The following SCP2 variants were observed in gnomAD, a reference collection of about 807,000 sequenced individuals.
The protein encoded by SCP2 is sterol carrier protein 2, also known as SCP-2/3-oxoacyl-CoA thiolase.
In SCP2, 48 loss-of-function variants were observed where a neutral mutation model predicts 71.4. The observed-to-expected ratio is 0.67, with a 90% confidence interval of 0.53 to 0.86. The LOEUF (loss-of-function observed/expected upper bound fraction) is 0.86, where lower values mean the gene tolerates loss of function less well. Among genes scored for constraint, SCP2 ranks in the 40% least tolerant of loss-of-function variants. The probability of loss-of-function intolerance (pLI) is 0.00; values close to 1 mark genes in which losing one functional copy is unlikely to be tolerated. For missense variants in SCP2, 560 were observed against 655.6 expected (o/e 0.85, Z 1.59); for synonymous variants, 220 against 218.1 (o/e 1.01, Z -0.08).
intron 1 of SCP2, among the ~76,000 whole-genome samples, chr1:52,934,674 G>C (rs559168963): frequency 2.3e-5 from 3 of 127,772 alleles, no homozygotes; most frequent in African/African-American, 9.0e-5. Flanking sequence ...GTGCAGTGGT[G>C]CGATCTTGGC....
intron 2 of SCP2, among the ~76,000 whole-genome samples, chr1:52,942,957 C>T (rs1450096786): frequency 1.3e-5 from 2 of 152,140 alleles, no homozygotes; most frequent in African/African-American, 4.8e-5. Flanking sequence ...CGACCTCGGC[C>T]TCCCAGAGTG....
At chr1:52,935,899 C>T (rs1274146272) in intron 1 of SCP2, among the ~76,000 whole-genome samples, 1 of 152,016 alleles carries the variant, frequency 6.6e-6, no homozygotes, top group Non-Finnish European at 1.5e-5. Context: ...GTTCATGGCA[C>T]TGTACTGCAG....
At chr1:52,971,532 A>G (rs748350572) in intron 6 of SCP2, among the ~76,000 whole-genome samples, 7 of 152,272 alleles carry the variant, frequency 4.6e-5, no homozygotes, top group Non-Finnish European at 1.5e-5. Flanking sequence ...AAAGGCATAC[A>G]AATTTATTTA....
At chr1:52,982,341 C>G (rs1426122112) in intron 10 of SCP2, among the ~76,000 whole-genome samples, 1 of 152,114 alleles carries the variant, frequency 6.6e-6, no homozygotes, top group East Asian at 1.9e-4. Context: ...GAGGCCAAGG[C>G]GGGCAGATAA....
At chr1:52,939,028 C>A (rs192230796) in intron 1 of SCP2, among the ~76,000 whole-genome samples, 69 of 152,278 alleles carry the variant, frequency 4.5e-4, no homozygotes, top group African/African-American at 1.6e-3. Flanking sequence ...TCCAGAGTGT[C>A]CTTTACTTGG....
chr1:53,011,437 A>T (rs1660984055), intron 11 of SCP2, among the ~76,000 whole-genome samples: 1 of 152,172 alleles, frequency 6.6e-6, no homozygotes, highest in African/African-American at 2.4e-5. Context: ...TATCTTTAAC[A>T]TTTGGTAGAG....
intron 13 of SCP2, among the ~76,000 whole-genome samples, chr1:53,032,591 G>C (rs1345129875): frequency 6.6e-6 from 1 of 152,210 alleles, no homozygotes; most frequent in Non-Finnish European, 1.5e-5. Flanking sequence ...ATGGAATTCA[G>C]AGATGAAGAG....
intron 14 of SCP2, among the ~76,000 whole-genome samples, chr1:53,045,636 T>G (rs529438052): frequency 6.6e-6 from 1 of 152,220 alleles, no homozygotes; most frequent in East Asian, 1.9e-4. Context: ...TACATGAGAG[T>G]TTTAGTTCCT....
rs549999219 is a variant in SCP2 at position 52,973,496 on chromosome 1, A to G, written c.524-1273A>G. ...CAGATACTATGTTTTCTTTGATCTA[A>G]CAGTCAATTCAGTCACGAAAAGATA... On this transcript the variant is annotated intron_variant, in intron 6 of 15. Coordinates refer to ENST00000371514, the MANE Select transcript of SCP2 (RefSeq NM_002979.5). Among the ~76,000 whole-genome samples, 4 of 152,352 alleles carry G rather than the reference A, an allele frequency of 2.6e-5. No individual in the cohort carries two copies. The South Asian group carries it at 8.3e-4, about 32-fold the overall frequency.
chr1:52,955,472 A>G (rs1000638925), intron 5 of SCP2, among the ~76,000 whole-genome samples: 3 of 152,196 alleles, frequency 2.0e-5, no homozygotes, highest in East Asian at 1.9e-4. Flanking sequence ...GCCCACTTCC[A>G]TGAGATGATA....
chr1:52,936,041 A>G (rs1653714330), intron 1 of SCP2, among the ~76,000 whole-genome samples: 1 of 152,270 alleles, frequency 6.6e-6, no homozygotes, highest in African/African-American at 2.4e-5. Flanking sequence ...CTAAAACAAC[A>G]TAATGCTAAA....
At chr1:53,038,810 C>T in intron 13 of SCP2, 107 bp from the exon 14 acceptor site, 3 of 1,434,392 alleles carry the variant, frequency 2.1e-6, no homozygotes, top group Non-Finnish European at 2.9e-6. Flanking sequence ...GGGGACCGCT[C>T]CCTGGCCCGT....
At chr1:53,020,406 T>G (rs182509621) in intron 12 of SCP2, among the ~76,000 whole-genome samples, 10 of 152,316 alleles carry the variant, frequency 6.6e-5, no homozygotes, top group African/African-American at 2.4e-4. Flanking sequence ...CCTTTCTTCT[T>G]TCCTATTTCT....
chr1:52,999,366 A>G (rs1372000299), intron 11 of SCP2, among the ~76,000 whole-genome samples: 2 of 152,244 alleles, frequency 1.3e-5, no homozygotes, highest in Non-Finnish European at 2.9e-5. Flanking sequence ...GAAAATGGTC[A>G]AGCGAAGTTC....
At chr1:53,039,867 C>CT (rs1348468811) in intron 14 of SCP2, among the ~76,000 whole-genome samples, 1 of 152,198 alleles carries the variant, frequency 6.6e-6, no homozygotes, top group Non-Finnish European at 1.5e-5. Flanking sequence ...GCTTAACTGA[C>CT]AAGTTTACTT....
Position 52,998,031 on chromosome 1 carries a change from T to G in SCP2, c.1081+9895T>G, listed in dbSNP as rs529693513. 3.3e-5 allele frequency among the ~76,000 whole-genome samples: 5 copies of G among 152,344 alleles called. No homozygotes were observed. The South Asian group carries it at 1.0e-3, about 32-fold the overall frequency. On this transcript the variant is annotated intron_variant, in intron 11 of 15. Transcript: ENST00000371514. The stretch of plus-strand genomic sequence containing the variant: ...ATGTATTCTTTTGTGTTTGGCTTCT[T>G]TCACTCAGCAGATTATAAAATTAAT...
chr1:52,981,089 G>A (rs779717718), intron 10 of SCP2, among the ~76,000 whole-genome samples: 4 of 152,150 alleles, frequency 2.6e-5, no homozygotes, highest in South Asian at 2.1e-4. Flanking sequence ...CTGCCAACAC[G>A]CCCGGCTAAT....
At chr1:53,023,363 G>A (rs1328697110) in intron 12 of SCP2, among the ~76,000 whole-genome samples, 8 of 152,162 alleles carry the variant, frequency 5.3e-5, no homozygotes, top group African/African-American at 1.9e-4. Context: ...AGAACTAGCT[G>A]TGGCTACTTG....
rs1652538451 is a variant in SCP2 at position 52,927,464 on chromosome 1, A to G, written c.68A>G (p.Lys23Arg). Residue 23 changes from lysine to arginine, a missense_variant and splice_region_variant, in exon 1 of 16, where the codon AAG becomes AGG. Lys to Arg is a conservative substitution (Grantham distance 26). Transcript: ENST00000371514. ...RVFVVGVGMT[K>R]FVKPGAENSR... ...TTCGTGGTGGGGGTTGGCATGACCA[A>G]GGTAAACCGAGCAGCGGCCCTGCTG... 2.5e-6 allele frequency: 4 copies of G among 1,596,654 alleles called. No homozygotes were observed. In the East Asian group the frequency reaches 9.0e-5, roughly 36 times the overall value.
Sources: gnomAD v4.1 joint callset for allele counts (sites outside exome capture counted in the v4.1 genomes callset) on GRCh38, gnomAD v4.1.1 for gene constraint, MANE v1.5 for transcripts, NCBI Gene and HGNC (gene_info 2026-07-23, HGNC 2026-07-21) for gene names.